The following HEPH variants were observed in gnomAD, a reference collection of about 807,000 sequenced individuals.
HEPH encodes the protein hephaestin.
A neutral mutation model predicts 80.8 loss-of-function variants in HEPH; 69 were observed. That is an observed-to-expected ratio of 0.85 (90% CI 0.70 to 1.04). The LOEUF is 1.04. Ranked by LOEUF, HEPH falls within the 50% of genes least tolerant of loss-of-function variation. The probability of loss-of-function intolerance (pLI) is 0.00; values close to 1 mark genes in which losing one functional copy is unlikely to be tolerated. For synonymous variants in HEPH, 431 were observed against 322.8 expected, an observed-to-expected ratio of 1.34 and a Z score of -3.60; for missense variants, 1,115 against 891.3, an observed-to-expected ratio of 1.25 and a Z score of -3.20.
chrX:66,240,133 G>A (rs1486817021), intron 15 of HEPH, among the ~76,000 whole-genome samples: 3 of 111,707 alleles, frequency 2.7e-5, no homozygotes, highest in Non-Finnish European at 1.9e-5. Context: ...AATAAGATGG[G>A]TAATTTCATT....
chrX:66,234,957 G>GTT (rs1386390205), intron 15 of HEPH, among the ~76,000 whole-genome samples: 1 of 107,427 alleles, frequency 9.3e-6, no homozygotes, highest in Non-Finnish European at 1.9e-5. Flanking sequence ...CCATTGAGCA[G>GTT]TTTTTTTTTT....
At chrX:66,242,903 C>A (rs1270255627) in intron 15 of HEPH, among the ~76,000 whole-genome samples, 1 of 111,956 alleles carries the variant, frequency 8.9e-6, no homozygotes, top group Non-Finnish European at 1.9e-5. Context: ...AATGCTCATA[C>A]ACTGCTGGCA....
rs763394249 is a variant in HEPH at position 66,170,545 on chromosome X, G to A, written c.-13-13G>A. The stretch of plus-strand genomic sequence containing the variant: ...TCTTCTACACCAGCAGTTTTTATTT[G>A]CCTGTTTCCCAGAGTAATGTGGGCC... On this transcript the variant is annotated splice_polypyrimidine_tract_variant and intron_variant, in intron 1 of 20. Transcript: ENST00000343002. 3 of 1,197,220 alleles carry A rather than the reference G, an allele frequency of 2.5e-6. No individual in the cohort carries two copies. The highest frequency in any genetic ancestry group is 3.4e-6 in the Non-Finnish European group (3 of 886,170).
chrX:66,207,353 C>T lies in HEPH; in HGVS notation c.2431+19C>T, dbSNP rs2088847570. On this transcript the variant is annotated intron_variant, in intron 14 of 20. Transcript: ENST00000343002. ...ATCTTGGGTAAGGGAATTCTACTTC[C>T]CTCCTAGTGTTTAGCAGCCTGAACT... 8.7e-7 allele frequency: 1 copy of T among 1,145,946 alleles called. No homozygotes were observed. The highest frequency in any genetic ancestry group is 1.2e-6 in the Non-Finnish European group (1 of 856,597). 94.4% of individuals were successfully genotyped at this position (1,145,946 alleles called of 1,213,427 possible).
In HEPH at chrX:66,263,744, G is replaced by T. The variant is rs2091439529; in HGVS notation, c.3244+56G>T. On this transcript the variant is annotated intron_variant, in intron 20 of 20. Coordinates refer to ENST00000343002, the MANE Select transcript of HEPH (RefSeq NM_001367233.3). The stretch of plus-strand genomic sequence containing the variant: ...TATACATAGTGTGTCTGTGTATGAG[G>T]TTGGGTGAAGTACCTTTAGGGTATG... 4 of 1,081,999 alleles carry T rather than the reference G, an allele frequency of 3.7e-6. 1 individual carries two copies. The Admixed American group carries it at 8.8e-5, about 24-fold the overall frequency. The allele number at this position is 1,081,999 out of a possible 1,213,427, so 89.2% of individuals were successfully genotyped here. A position where few individuals can be genotyped will look rare whatever the true frequency, so the allele number is the denominator to read the frequency against.
At chrX:66,194,846 G>A (rs1010077204) in intron 8 of HEPH, among the ~76,000 whole-genome samples, 4 of 111,871 alleles carry the variant, frequency 3.6e-5, no homozygotes, top group Non-Finnish European at 7.5e-5. Flanking sequence ...GTAAATTGGA[G>A]TTAATAATTT....
intron 17 of HEPH, among the ~76,000 whole-genome samples, chrX:66,258,153 T>A (rs1378029969): frequency 8.9e-6 from 1 of 111,849 alleles, no homozygotes; most frequent in African/African-American, 3.3e-5. Context: ...TTCCTGCATA[T>A]TAGGAACCTA....
At chrX:66,241,231 G>A in intron 15 of HEPH, among the ~76,000 whole-genome samples, 1 of 111,889 alleles carries the variant, frequency 8.9e-6, no homozygotes, top group Non-Finnish European at 1.9e-5. Flanking sequence ...CTAACATCAT[G>A]ATGATAGGAT....
chrX:66,196,609 C>T (rs2088117223), intron 9 of HEPH, among the ~76,000 whole-genome samples: 1 of 111,183 alleles, frequency 9.0e-6, no homozygotes, highest in Non-Finnish European at 1.9e-5. Flanking sequence ...GTACCTACAC[C>T]CAAATTACTC....
intron 15 of HEPH, among the ~76,000 whole-genome samples, chrX:66,216,472 A>G (rs1248447754): frequency 8.9e-6 from 1 of 111,809 alleles, no homozygotes; most frequent in Non-Finnish European, 1.9e-5. Context: ...GGGTGGCTGG[A>G]TCCAGAAGAG....
chrX:66,208,197 T>A lies in HEPH; in HGVS notation c.2514T>A (p.Ala838=). 1 of 1,208,200 alleles carries A rather than the reference T, an allele frequency of 8.3e-7. No individual in the cohort carries two copies. Among genetic ancestry groups the A allele is most frequent in the Non-Finnish European group, 1.1e-6 (1 of 892,615 alleles). Residue 838 remains alanine (A), a synonymous_variant, in exon 15 of 21, where the codon GCT becomes GCA. Transcript: ENST00000343002. Reference sequence around the variant, plus strand: ...CCAGCCGCCCCTACTCTGTGCATGCTCATGGAGTGCTAGAATCTACTACTG... The same window carrying A: ...CCAGCCGCCCCTACTCTGTGCATGCACATGGAGTGCTAGAATCTACTACTG... The part of the protein sequence containing the change: ...NNASRPYSVH[A]HGVLESTTVW...
At chrX:66,216,731 G>A (rs1220932108) in intron 15 of HEPH, among the ~76,000 whole-genome samples, 1 of 111,735 alleles carries the variant, frequency 8.9e-6, no homozygotes, top group African/African-American at 3.3e-5. Context: ...ATCTCTGAAT[G>A]GCCAGAAGAA....
intron 1 of HEPH, among the ~76,000 whole-genome samples, chrX:66,166,216 C>T (rs1047080702): frequency 3.6e-5 from 4 of 111,113 alleles, no homozygotes; most frequent in African/African-American, 9.8e-5. Flanking sequence ...TTTTGAGACC[C>T]GTGTTTCACT....
intron 4 of HEPH, 112 bp downstream of exon 4, chrX:66,173,913 C>A (rs976597985): frequency 1.4e-4 from 63 of 452,636 alleles, no homozygotes; most frequent in Middle Eastern, 4.4e-4. Flanking sequence ...GCTAATTCAG[C>A]ACTCTTGTTT....
At chrX:66,201,652 T>C (rs777428815) in intron 12 of HEPH, among the ~76,000 whole-genome samples, 9 of 111,866 alleles carry the variant, frequency 8.0e-5, no homozygotes, top group Admixed American at 2.8e-4. Flanking sequence ...TTTACTCCTG[T>C]AAATTTCATT....
At position 66,208,036 on chromosome X, in the gene HEPH, A is replaced by T; in HGVS notation, c.2432-79A>T. On this transcript the variant is annotated intron_variant, in intron 14 of 20. Transcript: ENST00000343002. The stretch of plus-strand genomic sequence containing the variant: ...ACCACTAATTCTATGAAGTGCTCAT[A>T]TATGTCCCTTTCTTTAATGCTCCCT... 5.4e-6 allele frequency: 4 copies of T among 746,570 alleles called. No individual in the cohort carries two copies. The South Asian group carries it at 1.1e-4, about 20-fold the overall frequency. 61.5% of individuals were successfully genotyped at this position (746,570 alleles called of 1,213,427 possible).
intron 15 of HEPH, among the ~76,000 whole-genome samples, chrX:66,226,748 T>C (rs1418698931): frequency 2.7e-5 from 3 of 110,964 alleles, no homozygotes; most frequent in African/African-American, 9.9e-5. Context: ...CAGAAAGAAA[T>C]AGAAACCTGT....
chrX:66,236,074 C>G (rs746278152), intron 15 of HEPH, among the ~76,000 whole-genome samples: 1 of 111,781 alleles, frequency 8.9e-6, no homozygotes, highest in Non-Finnish European at 1.9e-5. Context: ...TTGACTTCCT[C>G]TCTTCCTATT....
intron 4 of HEPH, among the ~76,000 whole-genome samples, chrX:66,182,019 G>A (rs2087184873): frequency 1.8e-5 from 2 of 108,154 alleles, no homozygotes; most frequent in Non-Finnish European, 3.8e-5. Context: ...TAGATATGCG[G>A]CATTATTTCT....
Sources: allele counts gnomAD v4.1 joint callset (sites outside exome capture counted in the v4.1 genomes callset), GRCh38; gene constraint gnomAD v4.1.1; transcripts MANE v1.5; gene names NCBI Gene and HGNC (gene_info 2026-07-23, HGNC 2026-07-21).